RBFOX2: variants seen among roughly 807,000 people sequenced by gnomAD.
The protein encoded by RBFOX2 is RNA binding protein fox-1 homolog 2.
In RBFOX2, 10 loss-of-function variants were observed where a neutral mutation model predicts 49.1. That is an observed-to-expected ratio of 0.20 (90% confidence interval 0.13 to 0.35). The LOEUF is 0.35. RBFOX2 is among the 10% of genes least tolerant of loss of function. The pLI is 1.00. For missense variants in RBFOX2, 323 were observed against 486.9 expected, an observed-to-expected ratio of 0.66 and a Z score of 3.17; for synonymous variants, 183 against 187.4, an observed-to-expected ratio of 0.98 and a Z score of 0.19.
chr22:35,898,220 T>C (rs2048114315), intron 1 of RBFOX2: 1 of 757,024 alleles, frequency 1.3e-6, no homozygotes, highest in Non-Finnish European at 2.4e-6. Flanking sequence ...AGGAATCCTG[T>C]TGCTCCAAAC....
At chr22:35,797,083 A>G (rs975858571) in intron 2 of RBFOX2, among the ~76,000 whole-genome samples, 2 of 152,316 alleles carry the variant, frequency 1.3e-5, no homozygotes, top group East Asian at 3.9e-4. Context: ...TCACTTAAAT[A>G]TAAGGTTTTC....
At chr22:35,938,973 G>T (rs891219142), upstream of RBFOX2, 14 of 1,364,774 alleles carry the variant, frequency 1.0e-5, no homozygotes, top group Admixed American at 1.2e-4. Flanking sequence ...CATCCAAACT[G>T]ATCAAATATA....
At chr22:35,941,362 T>C (rs2053667836), upstream of RBFOX2, among the ~76,000 whole-genome samples, 2 of 152,090 alleles carry the variant, frequency 1.3e-5, no homozygotes, top group South Asian at 2.1e-4. Context: ...GAGGAAGAGA[T>C]AGAGGCAAAA....
At chr22:35,997,357 C>CA (rs11444345) in intron 1 of RBFOX2, 33,600 of 151,904 alleles carry the variant, frequency 0.22, 5,748 homozygotes, top group African/African-American at 0.48. Flanking sequence ...TAAAAGCCAA[C>CA]AAAATCTCCT....
intron 1 of RBFOX2, chr22:35,996,108 TTTTTA>T (rs2058179745): frequency 6.6e-6 from 1 of 152,200 alleles, no homozygotes. Context: ...GCAAAGCTTG[TTTTTA>T]TTTTCTCTCC....
At chr22:35,806,700 C>T (rs1369419682) in intron 2 of RBFOX2, among the ~76,000 whole-genome samples, 5 of 152,150 alleles carry the variant, frequency 3.3e-5, no homozygotes, top group Non-Finnish European at 7.3e-5. Flanking sequence ...CATAAATCTA[C>T]CTACATTAAT....
chr22:35,819,404 C>T (rs143020044), intron 1 of RBFOX2, among the ~76,000 whole-genome samples: 25 of 152,206 alleles, frequency 1.6e-4, no homozygotes, highest in Non-Finnish European at 3.5e-4. Flanking sequence ...ATCTAAATAA[C>T]ATTTTTTTTG....
intron 9 of RBFOX2, among the ~76,000 whole-genome samples, chr22:35,758,673 G>A (rs1937613699): frequency 6.6e-6 from 1 of 152,222 alleles, no homozygotes; most frequent in South Asian, 2.1e-4. Context: ...TGATTTAAAT[G>A]TCTACAAACT....
chr22:35,897,733 C>T lies in RBFOX2; in HGVS notation c.-34+41114G>A, dbSNP rs181142455. 3.4e-3 allele frequency: 2,747 copies of T among 814,810 alleles called. 11 individuals carry two copies. Among genetic ancestry groups the T allele is most frequent in the Non-Finnish European group, 4.6e-3 (2,098 of 454,412 alleles). The allele number at this position is 814,810 out of a possible 1,614,324, so 50.5% of individuals were successfully genotyped here. A position where few individuals can be genotyped will look rare whatever the true frequency, so the allele number is the denominator to read the frequency against. Reference sequence around the variant, plus strand: ...GCCCAAGGAAACAAGGGGTATAGCACCAAACCAACACATATTTGCAAAATA... The same window carrying T: ...GCCCAAGGAAACAAGGGGTATAGCATCAAACCAACACATATTTGCAAAATA... On this transcript the variant is annotated intron_variant, in intron 1 of 13. Transcript: ENST00000359369.
chr22:35,738,738 G>A (rs1209329741), exon 12 of RBFOX2: 2 of 150,912 alleles, frequency 1.3e-5, no homozygotes, highest in African/African-American at 4.9e-5. Context: ...CCAAAGAATG[G>A]TGTTTCTCTC....
chr22:35,872,786 C>T (rs181605269), intron 1 of RBFOX2, among the ~76,000 whole-genome samples: 165 of 152,244 alleles, frequency 1.1e-3, no homozygotes, highest in African/African-American at 3.9e-3. Flanking sequence ...TATGTCTGCC[C>T]GCTAGGGTCT....
chr22:35,988,079 T>C (rs1162287796), intron 1 of RBFOX2, among the ~76,000 whole-genome samples: 3 of 152,214 alleles, frequency 2.0e-5, no homozygotes, highest in Admixed American at 2.0e-4. Context: ...TGAAACAAAC[T>C]AACTAGAGCT....
chr22:35,958,977 T>TATATATATATATA (rs755064541), intron 1 of RBFOX2, among the ~76,000 whole-genome samples: 3 of 150,956 alleles, frequency 2.0e-5, no homozygotes, highest in Non-Finnish European at 4.4e-5. Flanking sequence ...ATATATATAT[T>TATATATATATATA]GTGTAAAGCT....
intron 6 of RBFOX2, among the ~76,000 whole-genome samples, chr22:35,762,503 CTT>C (rs769912529): frequency 2.4e-5 from 3 of 126,844 alleles, no homozygotes; most frequent in African/African-American, 3.0e-5. Flanking sequence ...TTGGCCTCCT[CTT>C]TTTTTTTTTT....
At chr22:35,853,526 G>A (rs914648003) in intron 1 of RBFOX2, among the ~76,000 whole-genome samples, 4 of 152,170 alleles carry the variant, frequency 2.6e-5, no homozygotes, top group South Asian at 2.1e-4. Context: ...TCACATATAA[G>A]TTAGACATGT....
At chr22:35,894,779 G>A (rs1478848601) in intron 1 of RBFOX2, among the ~76,000 whole-genome samples, 2 of 152,002 alleles carry the variant, frequency 1.3e-5, no homozygotes, top group Non-Finnish European at 2.9e-5. Context: ...ATATGTGCAA[G>A]TGCAAACCCT....
At chr22:36,005,046 T>C (rs1467085769) in intron 1 of RBFOX2, among the ~76,000 whole-genome samples, 1 of 152,196 alleles carries the variant, frequency 6.6e-6, no homozygotes, top group Non-Finnish European at 1.5e-5. Context: ...CTCATACACA[T>C]TAGATGCTCA....
At chr22:35,890,979 T>C (rs2047170469) in intron 1 of RBFOX2, among the ~76,000 whole-genome samples, 1 of 152,052 alleles carries the variant, frequency 6.6e-6, no homozygotes, top group Non-Finnish European at 1.5e-5. Flanking sequence ...ACTTAGTCCT[T>C]AGCAATGTTG....
chr22:35,834,915 C>T (rs1957379397), intron 1 of RBFOX2, among the ~76,000 whole-genome samples: 1 of 152,074 alleles, frequency 6.6e-6, no homozygotes. Context: ...TTCACTCTGG[C>T]AATGACCTCT....
Sources: allele counts gnomAD v4.1 joint callset (sites outside exome capture counted in the v4.1 genomes callset), GRCh38; gene constraint gnomAD v4.1.1; transcripts MANE v1.5; gene names NCBI Gene and HGNC (gene_info 2026-07-23, HGNC 2026-07-21).